ATRN: variants seen among roughly 807,000 people sequenced by gnomAD.
ATRN encodes attractin.
ATRN carries 54 observed loss-of-function variants against 178.7 expected under a neutral mutation model. The ratio of observed to expected loss-of-function variants is 0.30; its 90% CI spans 0.24 to 0.38. The LOEUF (loss-of-function observed/expected upper bound fraction) is 0.38, where lower values mean the gene tolerates loss of function less well. ATRN is among the 10% of genes least tolerant of loss of function. The probability of loss-of-function intolerance (pLI) is 1.00; values close to 1 mark genes in which losing one functional copy is unlikely to be tolerated. For synonymous variants in ATRN, 636 were observed against 663.0 expected, an observed-to-expected ratio of 0.96 and a Z score of 0.63; for missense variants, 1,443 against 1,815.1, an observed-to-expected ratio of 0.79 and a Z score of 3.73.
chr20:3,503,802 A>G (rs2146112943), intron 1 of ATRN, among the ~76,000 whole-genome samples: 1 of 152,324 alleles, frequency 6.6e-6, no homozygotes, highest in East Asian at 1.9e-4. Context: ...TTTGAAAGAA[A>G]TAATAGTGGA....
At chr20:3,576,000 T>C (rs1426021244) in intron 13 of ATRN, 52 bp downstream of exon 13, 2 of 1,593,184 alleles carry the variant, frequency 1.3e-6, no homozygotes, top group African/African-American at 2.7e-5. Context: ...TGTCATAGGT[T>C]TAGCTTTTAT....
At chr20:3,485,167 C>T (rs1167671650) in intron 1 of ATRN, among the ~76,000 whole-genome samples, 9 of 151,980 alleles carry the variant, frequency 5.9e-5, no homozygotes, top group Admixed American at 3.9e-4. Context: ...TTTATTTCCT[C>T]GTATTTTGAA....
In ATRN at chr20:3,504,039, C is replaced by G. The variant is rs116899217; in HGVS notation, c.411-31214C>G. Among the ~76,000 whole-genome samples, 735 of 152,286 alleles carry G rather than the reference C, an allele frequency of 4.8e-3. 1 individual carries two copies. The highest frequency in any genetic ancestry group is 7.6e-3 in the Non-Finnish European group (516 of 68,012). ...TCTCATCTGAAAACATGGAGGCCAT[C>G]TGAAATGTTACATTACCTATAGGGA... is the stretch of plus-strand genomic sequence containing the variant. On this transcript the variant is annotated intron_variant, in intron 1 of 28. Coordinates refer to ENST00000262919, the MANE Select transcript of ATRN (RefSeq NM_139321.3).
chr20:3,631,164 G>A (rs1282173102), intron 25 of ATRN, among the ~76,000 whole-genome samples: 4 of 151,452 alleles, frequency 2.6e-5, no homozygotes, highest in Admixed American at 6.6e-5. Context: ...TGCCCAGGCT[G>A]GTCTTAAACT....
intron 1 of ATRN, among the ~76,000 whole-genome samples, chr20:3,500,952 T>C (rs1221001989): frequency 6.6e-6 from 1 of 152,100 alleles, no homozygotes; most frequent in East Asian, 1.9e-4. Flanking sequence ...TTTAGTTATA[T>C]ATAACTAAAT....
chr20:3,596,548 C>T (rs2086531829), intron 21 of ATRN, 119 bp downstream of exon 21: 5 of 898,346 alleles, frequency 5.6e-6, no homozygotes, highest in Admixed American at 4.2e-5. Flanking sequence ...ATGAAGTGTT[C>T]CCAGACTTGA....
intron 18 of ATRN, among the ~76,000 whole-genome samples, chr20:3,589,192 G>T (rs1244091162): frequency 1.3e-5 from 2 of 151,806 alleles, no homozygotes; most frequent in Non-Finnish European, 2.9e-5. Context: ...TAGAGACAGG[G>T]TTTTACCATG....
At position 3,611,439 on chromosome 20, in the gene ATRN, G is replaced by A. The variant is rs910139805; in HGVS notation, c.3801+7177G>A. ...GCAAATAATGACATAAAAGATGATC[G>A]GCATCAATAACCATTAGAGAGGCCA... On this transcript the variant is annotated intron_variant, in intron 24 of 28. Transcript: ENST00000262919. Among the ~76,000 whole-genome samples, 18 of 152,036 alleles carry A rather than the reference G, an allele frequency of 1.2e-4. 1 individual carries two copies. The highest frequency in any genetic ancestry group is 3.3e-4 in the Admixed American group (5 of 15,254).
intron 1 of ATRN, among the ~76,000 whole-genome samples, chr20:3,515,508 T>C (rs760836485): frequency 1.3e-5 from 2 of 152,100 alleles, no homozygotes; most frequent in Non-Finnish European, 2.9e-5. Flanking sequence ...AAGAAGAGAG[T>C]TACTAGCTTT....
At chr20:3,602,642 G>T (rs2086625417) in intron 23 of ATRN, among the ~76,000 whole-genome samples, 1 of 152,082 alleles carries the variant, frequency 6.6e-6, no homozygotes, top group South Asian at 2.1e-4. Context: ...CAGAGTATTT[G>T]GAGAAAGGCA....
At chr20:3,500,724 A>G (rs1379779260) in intron 1 of ATRN, among the ~76,000 whole-genome samples, 1 of 150,640 alleles carries the variant, frequency 6.6e-6, no homozygotes, top group Non-Finnish European at 1.5e-5. Context: ...ATTGGGAGAC[A>G]TACCTAATGC....
chr20:3,503,673 T>G (rs2084994714), intron 1 of ATRN, among the ~76,000 whole-genome samples: 1 of 152,142 alleles, frequency 6.6e-6, no homozygotes, highest in Admixed American at 6.6e-5. Context: ...AGAATTCACT[T>G]AATATATTGG....
intron 15 of ATRN, among the ~76,000 whole-genome samples, chr20:3,580,079 T>A (rs1162978344): frequency 6.6e-6 from 1 of 152,254 alleles, no homozygotes; most frequent in Non-Finnish European, 1.5e-5. Context: ...GATAGCTTTT[T>A]CAGATTTCAG....
rs1221631350 is a variant in ATRN at position 3,572,766 on chromosome 20, T to C, written c.1907T>C (p.Leu636Pro). ...MYVFGGFNSL[L>P]LSDILVFTSE... is the part of the protein sequence containing the mutation. The stretch of plus-strand genomic sequence containing the variant: ...GTGTTCGGTGGTTTCAATAGTCTCC[T>C]CCTCAGCGACATCCTGGTATTCACC... The change falls in exon 12 of 29, where the codon CTC (leucine) becomes CCC (proline). Residue 636 changes from leucine (L) to proline (P), a missense_variant. Leu to Pro is a moderately conservative substitution (Grantham distance 98). Coordinates refer to ENST00000262919, the MANE Select transcript of ATRN (RefSeq NM_139321.3). The C allele has an allele frequency of 2.5e-6, 4 of 1,613,986 alleles. No individual in the cohort carries two copies. The highest frequency in any genetic ancestry group is 2.5e-6 in the Non-Finnish European group (3 of 1,180,028).
At chr20:3,523,836 G>A (rs1034591260) in intron 1 of ATRN, among the ~76,000 whole-genome samples, 1 of 152,104 alleles carries the variant, frequency 6.6e-6, no homozygotes, top group African/African-American at 2.4e-5. Flanking sequence ...AAGTGAAGGA[G>A]AAATAAAATT....
chr20:3,471,686 C>G (rs531109887), intron 1 of ATRN, among the ~76,000 whole-genome samples, 169 bp downstream of exon 1: 1 of 152,296 alleles, frequency 6.6e-6, no homozygotes, highest in African/African-American at 2.4e-5. Context: ...CGTCTCTGGC[C>G]TGGGGTCTTT....
In ATRN at chr20:3,539,785, A is replaced by G. The variant is rs112637209; in HGVS notation, c.495-437A>G. 1.7e-3 allele frequency among the ~76,000 whole-genome samples: 259 copies of G among 151,884 alleles called. 1 individual carries two copies. The highest frequency in any genetic ancestry group is 5.8e-3 in the African/African-American group (242 of 41,386). On this transcript the variant is annotated intron_variant, in intron 2 of 28. Transcript: ENST00000262919. ...CTCCCACTTTTTTTTTCCTGGTTCA[A>G]TCTTAGAGCAGATAACTGGTTTCCT...
rs1215993890 is a variant in ATRN, at chr20:3,645,679, C to T, written c.4166-1044C>T. Among the ~76,000 whole-genome samples, 4 of 151,732 alleles carry T rather than the reference C, an allele frequency of 2.6e-5. No homozygotes were observed. Among genetic ancestry groups the T allele is most frequent in the African/African-American group, 9.7e-5 (4 of 41,400 alleles). The stretch of plus-strand genomic sequence containing the variant: ...GTCCTTGCTGCCCCTTCTGTACCCC[C>T]TGTTTTAAGTGGTGCCCTTTTCTAG... On this transcript the variant is annotated intron_variant, in intron 28 of 28. Transcript: ENST00000262919. This position sits in a 1 kb window ranked among gnomAD's most constrained non-coding sequence, Gnocchi z 4.7.
intron 3 of ATRN, among the ~76,000 whole-genome samples, chr20:3,545,364 C>CAAAAAAAAA (rs1332216289): frequency 1.2e-5 from 1 of 86,338 alleles, no homozygotes. Context: ...AACTCTGTCT[C>CAAAAAAAAA]AAAAAAAAAA....
Sources: allele counts gnomAD v4.1 joint callset (sites outside exome capture counted in the v4.1 genomes callset), GRCh38; gene constraint gnomAD v4.1.1; non-coding constraint Gnocchi (gnomAD v3.1); transcripts MANE v1.5; gene names NCBI Gene and HGNC (gene_info 2026-07-23, HGNC 2026-07-21).